Variants in AP3M1 observed in about 807,000 individuals in gnomAD.
The protein encoded by AP3M1 is AP-3 complex subunit mu-1.
A neutral mutation model predicts 42.6 loss-of-function variants in AP3M1; 29 were observed. That is an observed-to-expected ratio of 0.68 (90% confidence interval 0.51 to 0.93). The LOEUF is 0.93. Ranked by LOEUF, AP3M1 falls within the 40% of genes least tolerant of loss-of-function variation. AP3M1 has a pLI of 0.00. For synonymous variants in AP3M1, 178 were observed against 175.3 expected, an observed-to-expected ratio of 1.02 and a Z score of -0.12; for missense variants, 416 against 510.2, an observed-to-expected ratio of 0.82 and a Z score of 1.78.
At chr10:74,124,601 T>C (rs1359159423) in intron 7 of AP3M1, 77 bp from the exon 8 acceptor site, 2 of 1,268,624 alleles carry the variant, frequency 1.6e-6, no homozygotes, top group Non-Finnish European at 1.1e-6. Context: ...TTCAAAGATA[T>C]CATAAACTTC....
At chr10:74,141,188 C>A (rs895909697) in intron 1 of AP3M1, among the ~76,000 whole-genome samples, 2 of 152,136 alleles carry the variant, frequency 1.3e-5, no homozygotes, top group Non-Finnish European at 2.9e-5. Flanking sequence ...TGACTCACAA[C>A]TGTAATCCTA....
At position 74,139,287 on chromosome 10, in the gene AP3M1, A is replaced by G. The variant is rs559185643; in HGVS notation, c.-3-905T>C. On this transcript the variant is annotated intron_variant, in intron 1 of 8. Coordinates refer to ENST00000355264, the MANE Select transcript of AP3M1 (RefSeq NM_012095.6). ...TTGCAGGACACAAGTCAATATAAAA[A>G]TCAATTATATTTCTATCCACTATAG... 2.6e-5 allele frequency among the ~76,000 whole-genome samples: 4 copies of G among 152,120 alleles called. No individual in the cohort carries two copies. The East Asian group carries it at 5.8e-4, about 22-fold the overall frequency.
At chr10:74,137,961 A>G in intron 2 of AP3M1, 146 bp downstream of exon 2, 2 of 815,358 alleles carry the variant, frequency 2.5e-6, no homozygotes, top group East Asian at 2.7e-5. Flanking sequence ...ACTGTATACC[A>G]CACAGAAAAG....
rs144973698 is a variant in AP3M1, at chr10:74,135,142, C to T, written c.446-978G>A. 4.1e-4 allele frequency among the ~76,000 whole-genome samples: 63 copies of T among 152,294 alleles called. No homozygotes were observed. In the East Asian group the frequency reaches 0.012, roughly 28 times the overall value. ...TGCTCAAAAACGTTCAATGTTTGCTCACTGGCTTTATGATAAAAGCTAAAT... is the reference window on the plus strand; with the variant it reads ...TGCTCAAAAACGTTCAATGTTTGCTTACTGGCTTTATGATAAAAGCTAAAT... On this transcript the variant is annotated intron_variant, in intron 3 of 8. Coordinates refer to ENST00000355264, the MANE Select transcript of AP3M1 (RefSeq NM_012095.6).
intron 4 of AP3M1, among the ~76,000 whole-genome samples, chr10:74,131,232 ATCTGGGCTCACTGCAAGC>A (rs1840772146): frequency 1.3e-5 from 2 of 151,526 alleles, no homozygotes; most frequent in Non-Finnish European, 2.9e-5. Flanking sequence ...CAGTGGCGCT[ATCTGGGCTCACTGCAAGC>A]TCTGTCTCCC....
At chr10:74,129,331 T>A (rs1269801431) in intron 5 of AP3M1, 90 bp from the exon 6 acceptor site, 3 of 1,384,494 alleles carry the variant, frequency 2.2e-6, no homozygotes, top group Admixed American at 4.7e-5. Flanking sequence ...TCCCTGAAGA[T>A]AAAGCAGTCA....
chr10:74,141,956 C>CAA (rs1841167735), intron 1 of AP3M1, among the ~76,000 whole-genome samples: 1 of 151,350 alleles, frequency 6.6e-6, no homozygotes. Flanking sequence ...CTCCTGACCT[C>CAA]GTGATCCGCC....
rs1170107666 is a variant in AP3M1, at chr10:74,124,320, C to T, written c.1156+60G>A. On this transcript the variant is annotated intron_variant, in intron 8 of 8. Transcript: ENST00000355264. ...GAAACTTTTGTTACTCTTCTAAATG[C>T]CTAATAAATGAGCTTGCAAAACTCA... is the stretch of plus-strand genomic sequence containing the variant. The T allele has an allele frequency of 1.9e-6, 3 of 1,549,640 alleles. No individual in the cohort carries two copies. The African/African-American group carries it at 4.2e-5, about 22-fold the overall frequency.
intron 3 of AP3M1, among the ~76,000 whole-genome samples, chr10:74,135,071 T>C (rs1218912632): frequency 6.6e-6 from 1 of 152,234 alleles, no homozygotes; most frequent in African/African-American, 2.4e-5. Context: ...TGCAGTCTAC[T>C]TATGATTGGT....
intron 1 of AP3M1, among the ~76,000 whole-genome samples, chr10:74,146,496 A>G (rs140013458): frequency 4.6e-5 from 7 of 152,316 alleles, no homozygotes; most frequent in Non-Finnish European, 8.8e-5. Flanking sequence ...GATGGGGTAC[A>G]GTGAAAAGAT....
At position 74,144,665 on chromosome 10, in the gene AP3M1, AT is replaced by A. The variant is rs200560159; in HGVS notation, c.-4+6089del. Among the ~76,000 whole-genome samples, 585 of 133,850 alleles carry A rather than the reference AT, an allele frequency of 4.4e-3. 2 individuals are homozygous for A. The highest frequency in any genetic ancestry group is 9.2e-3 in the African/African-American group (335 of 36,578). 87.8% of individuals were successfully genotyped at this position (133,850 alleles called of 152,430 possible). A position where few individuals can be genotyped will look rare whatever the true frequency, so the allele number is the denominator to read the frequency against. On this transcript the variant is annotated intron_variant, in intron 1 of 8. Coordinates refer to ENST00000355264, the MANE Select transcript of AP3M1 (RefSeq NM_012095.6). ...CATGAATGTGCTGCTTTAGCTTATG[AT>A]TTTTTTTTTTTTTTGAGACGGAGTC...
chr10:74,132,874 G>A (rs1415778342), intron 4 of AP3M1, among the ~76,000 whole-genome samples: 1 of 152,202 alleles, frequency 6.6e-6, no homozygotes, highest in Admixed American at 6.5e-5. Context: ...TTGGCTTAAA[G>A]TAAGGCATTA....
intron 1 of AP3M1, among the ~76,000 whole-genome samples, chr10:74,145,289 G>C (rs1279528123): frequency 6.6e-6 from 1 of 152,150 alleles, no homozygotes; most frequent in Non-Finnish European, 1.5e-5. Context: ...TTCCACCGAA[G>C]TTGTTTTTAT....
In AP3M1 at chr10:74,123,910, C is replaced by T. The variant is rs1305409967; in HGVS notation, c.1157G>A (p.Gly386Asp). ...CATGTCCAAACGGTTTACTTTTAAG[C>T]CTGTATCAAAAAGAATGAAAAAGAA... ...QFKIQQLAIS[G>D]LKVNRLDMYG... is the part of the protein sequence containing the mutation. The change falls in exon 9 of 9, where the codon GGC (glycine) becomes GAC (aspartate). Residue 386 changes from glycine (G) to aspartate (D), a missense_variant and splice_region_variant. Gly to Asp is a moderately conservative substitution (Grantham distance 94). Coordinates refer to ENST00000355264, the MANE Select transcript of AP3M1 (RefSeq NM_012095.6). The T allele has an allele frequency of 6.2e-7, 1 of 1,611,194 alleles. No homozygotes were observed. Among genetic ancestry groups the T allele is most frequent in the Admixed American group, 1.7e-5 (1 of 59,984 alleles).
chr10:74,129,111 T>C lies in AP3M1; in HGVS notation c.800A>G (p.Gln267Arg), dbSNP rs1185299461. ...FRLISYRVSS[Q>R]NLVAIPVYVK... is the part of the protein sequence containing the mutation. ...TCTGGCTGATGCATCAACATACTTT[T>C]GTGAGCTGACACGGTATGATATGAG... The change falls in exon 6 of 9, where the codon CAA becomes CGA. Residue 267 changes from glutamine to arginine, a missense_variant. Gln to Arg is a conservative substitution (Grantham distance 43). Coordinates refer to ENST00000355264, the MANE Select transcript of AP3M1 (RefSeq NM_012095.6). The C allele has an allele frequency of 1.9e-6, 3 of 1,613,886 alleles. No individual in the cohort carries two copies. The highest frequency in any genetic ancestry group is 1.3e-5 in the African/African-American group (1 of 74,910).
chr10:74,134,019 A>C lies in AP3M1; in HGVS notation c.583+8T>G. The stretch of plus-strand genomic sequence containing the variant: ...TTTCCCCAAATAAGATGACATGCAC[A>C]CAATTACCTGATTTATCTATAATTG... On this transcript the variant is annotated splice_region_variant and intron_variant, in intron 4 of 8. Transcript: ENST00000355264. 7.4e-6 allele frequency: 12 copies of C among 1,613,568 alleles called. No homozygotes were observed. The highest frequency in any genetic ancestry group is 1.0e-5 in the Non-Finnish European group (12 of 1,179,662).
Position 74,126,357 on chromosome 10 carries a change from T to G in AP3M1, c.804-2A>C. The G allele has an allele frequency of 1.2e-6, 2 of 1,611,258 alleles. No homozygotes were observed. Among genetic ancestry groups the G allele is most frequent in the Non-Finnish European group, 1.7e-6 (2 of 1,177,608 alleles). On this transcript the variant is annotated splice_acceptor_variant, in intron 6 of 8. Transcript: ENST00000355264. LOFTEE classifies it high-confidence loss of function. ...ACATACACTGGTATTGCCACTAGAC[T>G]AAAAAGAGAAACAGAGAAAGATACA...
intron 2 of AP3M1, among the ~76,000 whole-genome samples, chr10:74,137,393 T>A (rs1474487888): frequency 6.6e-6 from 1 of 152,256 alleles, no homozygotes; most frequent in Non-Finnish European, 1.5e-5. Context: ...TAAATTGGAA[T>A]TTGAGCTATA....
At chr10:74,132,289 C>T (rs1053444624) in intron 4 of AP3M1, among the ~76,000 whole-genome samples, 2 of 151,526 alleles carry the variant, frequency 1.3e-5, no homozygotes, top group South Asian at 2.1e-4. Context: ...CTGCCTGCCT[C>T]GGCCTCCCAA....
Sources: gnomAD v4.1 joint callset for allele counts (sites outside exome capture counted in the v4.1 genomes callset) on GRCh38, gnomAD v4.1.1 for gene constraint, MANE v1.5 for transcripts, NCBI Gene and HGNC (gene_info 2026-07-23, HGNC 2026-07-21) for gene names.